The following KCNMB2 variants were observed in gnomAD, a reference collection of about 807,000 sequenced individuals.
KCNMB2 encodes potassium calcium-activated channel subfamily M regulatory beta subunit 2, also known as calcium-activated potassium channel subunit beta-2.
A neutral mutation model predicts 24.5 loss-of-function variants in KCNMB2; 9 were observed. That is an observed-to-expected ratio of 0.37 (90% confidence interval 0.22 to 0.64). KCNMB2 has a LOEUF of 0.64. KCNMB2 is among the 30% of genes least tolerant of loss of function. The probability of loss-of-function intolerance (pLI) is 0.63; values close to 1 mark genes in which losing one functional copy is unlikely to be tolerated. For synonymous variants in KCNMB2, 109 were observed against 104.4 expected (o/e 1.04, Z -0.27); for missense variants, 226 against 284.3 (o/e 0.79, Z 1.47).
intron 1 of KCNMB2, among the ~76,000 whole-genome samples, chr3:178,572,711 G>A (rs1332627783): frequency 2.0e-5 from 3 of 152,050 alleles, no homozygotes; most frequent in African/African-American, 7.2e-5. Context: ...TGGATTCCAT[G>A]GATAATGACA....
intron 1 of KCNMB2, among the ~76,000 whole-genome samples, chr3:178,725,903 C>T (rs1722952293): frequency 6.6e-6 from 1 of 151,610 alleles, no homozygotes; most frequent in African/African-American, 2.4e-5. Context: ...CTAACAATCT[C>T]TATGTTTTAG....
chr3:178,835,168 T>C (rs1402493800), intron 4 of KCNMB2, among the ~76,000 whole-genome samples: 1 of 151,562 alleles, frequency 6.6e-6, no homozygotes, highest in Non-Finnish European at 1.5e-5. Context: ...AGATATGAGA[T>C]CTGTGGGCAA....
intron 1 of KCNMB2, among the ~76,000 whole-genome samples, chr3:178,715,216 T>C (rs1259510873): frequency 6.6e-6 from 1 of 152,190 alleles, no homozygotes; most frequent in East Asian, 1.9e-4. Flanking sequence ...GCTGTCTGTC[T>C]GCTTTTAGAG....
intron 1 of KCNMB2, among the ~76,000 whole-genome samples, chr3:178,721,389 T>A (rs190375642): frequency 6.6e-6 from 1 of 152,314 alleles, no homozygotes; most frequent in Admixed American, 6.5e-5. Flanking sequence ...AATTTGCTCT[T>A]GTTGTTGTTT....
chr3:178,758,081 TACACAAGAGG>T (rs1724239911), intron 1 of KCNMB2, among the ~76,000 whole-genome samples: 3 of 80,244 alleles, frequency 3.7e-5, no homozygotes, highest in East Asian at 3.6e-4. Context: ...TATATATATA[TACACAAGAGG>T]ATATATATAT....
intron 1 of KCNMB2, among the ~76,000 whole-genome samples, chr3:178,614,158 A>C (rs1290816642): frequency 7.0e-6 from 1 of 143,302 alleles, no homozygotes; most frequent in Non-Finnish European, 1.5e-5. Context: ...GATTCCTTTT[A>C]ATTATTTCTG....
intron 1 of KCNMB2, among the ~76,000 whole-genome samples, chr3:178,646,631 A>G (rs1719934422): frequency 6.6e-6 from 1 of 152,224 alleles, no homozygotes; most frequent in Admixed American, 6.5e-5. Context: ...TCCGACCAGC[A>G]GGTCTGAGAA....
At chr3:178,790,858 AG>A (rs1372620618) in intron 1 of KCNMB2, among the ~76,000 whole-genome samples, 1 of 152,210 alleles carries the variant, frequency 6.6e-6, no homozygotes, top group Non-Finnish European at 1.5e-5. Flanking sequence ...AAGACAATTA[AG>A]GTAGTATCTC....
chr3:178,658,941 C>T (rs77558600), intron 1 of KCNMB2, among the ~76,000 whole-genome samples: 2,701 of 152,244 alleles, frequency 0.018, 66 homozygotes, highest in African/African-American at 0.061. Flanking sequence ...CAGCTCCCAC[C>T]CCATCAGATT....
chr3:178,658,958 A>G (rs1560152487), intron 1 of KCNMB2, among the ~76,000 whole-genome samples: 1 of 152,200 alleles, frequency 6.6e-6, no homozygotes, highest in Non-Finnish European at 1.5e-5. Flanking sequence ...GATTATTAAG[A>G]ATACCAGGTT....
At chr3:178,707,916 G>T (rs972700415) in intron 1 of KCNMB2, among the ~76,000 whole-genome samples, 1 of 152,114 alleles carries the variant, frequency 6.6e-6, no homozygotes, top group Non-Finnish European at 1.5e-5. Flanking sequence ...TAAGGCAATT[G>T]CTCAAACTTT....
chr3:178,706,394 G>A (rs1199027623), intron 1 of KCNMB2, among the ~76,000 whole-genome samples: 2 of 152,114 alleles, frequency 1.3e-5, no homozygotes, highest in Non-Finnish European at 2.9e-5. Flanking sequence ...CAAAGGTAAG[G>A]TGCCATTAGC....
chr3:178,781,453 G>A (rs1316289876), intron 1 of KCNMB2, among the ~76,000 whole-genome samples: 7 of 151,862 alleles, frequency 4.6e-5, no homozygotes, highest in South Asian at 2.1e-4. Flanking sequence ...TCAGCCAAGC[G>A]TGGTGGCACA....
chr3:178,546,513 T>A (rs1247723633), intron 1 of KCNMB2, among the ~76,000 whole-genome samples: 2 of 152,196 alleles, frequency 1.3e-5, no homozygotes, highest in Non-Finnish European at 2.9e-5. Context: ...CACCACAACC[T>A]ATGAACGTCC....
intron 1 of KCNMB2, among the ~76,000 whole-genome samples, chr3:178,622,856 G>C (rs1280631890): frequency 6.6e-6 from 1 of 152,164 alleles, no homozygotes; most frequent in Non-Finnish European, 1.5e-5. Context: ...GTGGGACACT[G>C]ATTTTTTTTG....
chr3:178,752,146 A>T (rs1577149326), intron 1 of KCNMB2, among the ~76,000 whole-genome samples: 1 of 152,354 alleles, frequency 6.6e-6, no homozygotes, highest in South Asian at 2.1e-4. Context: ...ATTATTTTCT[A>T]AAGTTCGAGG....
chr3:178,806,186 T>A (rs555225456), intron 1 of KCNMB2, among the ~76,000 whole-genome samples: 9 of 152,302 alleles, frequency 5.9e-5, no homozygotes, highest in African/African-American at 1.7e-4. Context: ...GGAAGGCAAG[T>A]AGATACTGGT....
At chr3:178,685,201 G>A in intron 1 of KCNMB2, among the ~76,000 whole-genome samples, 1 of 152,174 alleles carries the variant, frequency 6.6e-6, no homozygotes. Flanking sequence ...AGGCAGGCCT[G>A]GCTTTATGTT....
intron 1 of KCNMB2, among the ~76,000 whole-genome samples, chr3:178,624,743 G>A (rs1331707668): frequency 6.6e-6 from 1 of 151,986 alleles, no homozygotes; most frequent in Non-Finnish European, 1.5e-5. Flanking sequence ...GGAGGGGTGG[G>A]GGCTCGGTCC....
Sources: allele counts gnomAD v4.1 joint callset (sites outside exome capture counted in the v4.1 genomes callset), GRCh38; gene constraint gnomAD v4.1.1; transcripts MANE v1.5; gene names NCBI Gene and HGNC (gene_info 2026-07-23, HGNC 2026-07-21).